PCNT: variants seen among roughly 807,000 people sequenced by gnomAD.
PCNT encodes kendrin.
A neutral mutation model predicts 380.4 loss-of-function variants in PCNT; 319 were observed. The observed-to-expected ratio is 0.84, with a 90% CI of 0.77 to 0.92. The LOEUF (loss-of-function observed/expected upper bound fraction) is 0.92. PCNT is among the 40% of genes least tolerant of loss of function. The pLI is 0.00. For synonymous variants in PCNT, 1,845 were observed against 1,735.2 expected (o/e 1.06, Z -1.57); for missense variants, 4,400 against 4,255.3 (o/e 1.03, Z -0.95).
intron 3 of PCNT, among the ~76,000 whole-genome samples, chr21:46,337,393 T>C (rs186998694): frequency 8.5e-5 from 13 of 152,358 alleles, no homozygotes; most frequent in Admixed American, 7.8e-4. Context: ...TGTTTACAGC[T>C]CCTTTGTCTC....
At position 46,366,623 on chromosome 21, in the gene PCNT, T is replaced by C; in HGVS notation, c.2649T>C (p.Ser883=). ...EERKEITEKF[S]AEQDAFLQEA... ...GTAAAGAGATCACCGAGAAATTCAG[T>C]GCGGAACAAGATGCCTTCCTGCAGG... is the stretch of plus-strand genomic sequence containing the variant. Residue 883 remains serine, a synonymous_variant, in exon 15 of 47, where the codon AGT becomes AGC. Transcript: ENST00000359568. The C allele has an allele frequency of 6.2e-7, 1 of 1,613,362 alleles. No individual in the cohort carries two copies. The highest frequency in any genetic ancestry group is 2.2e-5 in the East Asian group (1 of 44,790).
At chr21:46,441,427 C>T (rs2053604249) in intron 43 of PCNT, among the ~76,000 whole-genome samples, 2 of 152,194 alleles carry the variant, frequency 1.3e-5, no homozygotes, top group African/African-American at 4.8e-5. Context: ...TCCCTGATGC[C>T]ACAGAGGTGT....
At chr21:46,359,243 G>GTACCC (rs1398885008) in intron 13 of PCNT, among the ~76,000 whole-genome samples, 136 of 145,850 alleles carry the variant, frequency 9.3e-4, no homozygotes, top group Non-Finnish European at 1.2e-3. Flanking sequence ...GTGAGCCACC[G>GTACCC]AACCTGGCTC....
At chr21:46,403,689 C>T (rs2086520913) in intron 27 of PCNT, among the ~76,000 whole-genome samples, 1 of 134,976 alleles carries the variant, frequency 7.4e-6, no homozygotes, top group South Asian at 2.4e-4. Context: ...TGTGTGGTGC[C>T]CACGCGGCAC....
At chr21:46,352,175 A>T (rs1398385165) in intron 9 of PCNT, among the ~76,000 whole-genome samples, 2 of 152,192 alleles carry the variant, frequency 1.3e-5, no homozygotes. Context: ...CCTGGCATTC[A>T]TGTGCCGACA....
Position 46,426,069 on chromosome 21 carries a change from CTTTTT to C in PCNT, c.7320+121_7320+125del, listed in dbSNP as rs760416456. On this transcript the variant is annotated intron_variant, in intron 33 of 46. Coordinates refer to ENST00000359568, the MANE Select transcript of PCNT (RefSeq NM_006031.6). Reference sequence around the variant, plus strand: ...GCCACGTGGACACTAGGATTTCTTTCTTTTTTTTTTTTTTTTTTTTTTTTTTTGAG... The same window carrying C: ...GCCACGTGGACACTAGGATTTCTTTCTTTTTTTTTTTTTTTTTTTTTTGAG... The C allele has an allele frequency of 1.1e-3, 327 of 307,742 alleles. 1 individual carries two copies. The highest frequency in any genetic ancestry group is 3.2e-3 in the African/African-American group (64 of 20,314). The allele number at this position is 307,742 out of a possible 1,614,324, so 19.1% of individuals were successfully genotyped here. A position where few individuals can be genotyped will look rare whatever the true frequency, so the allele number is the denominator to read the frequency against.
chr21:46,422,106 G>A lies in PCNT; in HGVS notation c.7161G>A (p.Val2387=). The A allele has an allele frequency of 8.1e-6, 13 of 1,613,798 alleles. No individual in the cohort carries two copies. The highest frequency in any genetic ancestry group is 1.1e-5 in the Non-Finnish European group (13 of 1,180,016). The change falls in exon 32 of 47, where the codon GTG becomes GTA. Residue 2387 remains valine, a synonymous_variant. Coordinates refer to ENST00000359568, the MANE Select transcript of PCNT (RefSeq NM_006031.6). ...CGGAAGCCATGAAGGAGAAGGAAGT[G>A]CGTCCGAAGCACGTGAAGGTATGGC... ...PLPEAMKEKE[V]RPKHVKALLQ...
intron 15 of PCNT, among the ~76,000 whole-genome samples, chr21:46,374,602 C>T (rs139960660): frequency 6.6e-6 from 1 of 152,178 alleles, no homozygotes; most frequent in African/African-American, 2.4e-5. Context: ...GTAATCCCAG[C>T]ACTTTGGGAG....
At chr21:46,400,580 G>A (rs1043040698) in intron 25 of PCNT, among the ~76,000 whole-genome samples, 24 of 111,378 alleles carry the variant, frequency 2.2e-4, no homozygotes, top group South Asian at 1.7e-3. Context: ...GTGCAGTGGC[G>A]CAATCTCGGC....
At chr21:46,409,752 C>G (rs1157403761) in intron 27 of PCNT, among the ~76,000 whole-genome samples, 3 of 152,042 alleles carry the variant, frequency 2.0e-5, no homozygotes, top group African/African-American at 7.2e-5. Context: ...GGTGCCCACG[C>G]CCGGCTAATT....
In PCNT at chr21:46,334,447, G is replaced by C. The variant is rs1219772395; in HGVS notation, c.318G>C (p.Gln106His). 1.2e-6 allele frequency: 2 copies of C among 1,614,138 alleles called. No homozygotes were observed. The highest frequency in any genetic ancestry group is 3.3e-5 in the Admixed American group (2 of 60,010). The change falls in exon 3 of 47, where the codon CAG (glutamine) becomes CAC (histidine). Residue 106 changes from glutamine to histidine, a missense_variant. Gln to His is a conservative substitution (Grantham distance 24, BLOSUM62 0). Coordinates refer to ENST00000359568, the MANE Select transcript of PCNT (RefSeq NM_006031.6). ...EKREDLEQLQ[Q>H]KQVNDHPPEQ... is the part of the protein sequence containing the mutation. ...GAGAGGACTTGGAACAGCTGCAGCA[G>C]AAGCAAGTCAATGACCATCCTCCAG... is the stretch of plus-strand genomic sequence containing the variant.
chr21:46,369,378 A>T (rs968026234), intron 15 of PCNT, among the ~76,000 whole-genome samples: 2 of 152,176 alleles, frequency 1.3e-5, no homozygotes, highest in African/African-American at 4.8e-5. Context: ...CCAGCTTGGG[A>T]GGTGCCTCTT....
intron 27 of PCNT, among the ~76,000 whole-genome samples, chr21:46,409,337 T>C (rs6518292): frequency 0.66 from 100,568 of 151,256 alleles, 34,058 homozygotes; most frequent in African/African-American, 0.78. Context: ...TACAGGCACC[T>C]GCCACTATGC....
At chr21:46,383,923 C>T (rs1338162839) in intron 16 of PCNT, among the ~76,000 whole-genome samples, 7 of 138,786 alleles carry the variant, frequency 5.0e-5, no homozygotes, top group Middle Eastern at 5.6e-3. Flanking sequence ...CAGTGTTGTG[C>T]GTTCAGTGGC....
At chr21:46,355,744 C>T (rs1183418800) in intron 12 of PCNT, 118 bp downstream of exon 12, 10 of 994,874 alleles carry the variant, frequency 1.0e-5, no homozygotes, top group Admixed American at 8.0e-5. Flanking sequence ...AGTGCTCCGA[C>T]CTCTTCTTCT....
chr21:46,349,282 C>A, intron 7 of PCNT, 96 bp downstream of exon 7: 1 of 1,021,962 alleles, frequency 9.8e-7, no homozygotes, highest in Non-Finnish European at 1.6e-6. Flanking sequence ...TCATTGCGCA[C>A]GTTTCCTACC....
intron 15 of PCNT, among the ~76,000 whole-genome samples, chr21:46,371,365 A>G (rs1405873887): frequency 6.6e-6 from 1 of 151,930 alleles, no homozygotes; most frequent in Admixed American, 6.6e-5. Context: ...ACGGGCCACC[A>G]CGCCTCGCTA....
At chr21:46,409,249 C>T (rs1437408689) in intron 27 of PCNT, among the ~76,000 whole-genome samples, 1 of 139,526 alleles carries the variant, frequency 7.2e-6, no homozygotes. Flanking sequence ...AGTTCAGTAG[C>T]GCATTTTTGG....
intron 14 of PCNT, among the ~76,000 whole-genome samples, chr21:46,365,360 G>A (rs1328310327): frequency 7.2e-6 from 1 of 139,416 alleles, no homozygotes; most frequent in Non-Finnish European, 1.6e-5. Context: ...CACTGCCGTG[G>A]GGTTCTGATC....
Sources: allele counts gnomAD v4.1 joint callset (sites outside exome capture counted in the v4.1 genomes callset), GRCh38; gene constraint gnomAD v4.1.1; transcripts MANE v1.5; gene names NCBI Gene and HGNC (gene_info 2026-07-23, HGNC 2026-07-21).